The following WDR70 variants were observed in gnomAD, a reference collection of about 807,000 sequenced individuals.
The protein encoded by WDR70 is WD repeat-containing protein 70.
A neutral mutation model predicts 88.6 loss-of-function variants in WDR70; 53 were observed. The observed-to-expected ratio is 0.60, with a 90% CI of 0.48 to 0.75. The LOEUF (loss-of-function observed/expected upper bound fraction) is 0.75, where lower values mean the gene tolerates loss of function less well. Among genes scored for constraint, WDR70 ranks in the 30% least tolerant of loss-of-function variants. The pLI, the probability that WDR70 is intolerant of heterozygous loss-of-function variation, is 0.00. For missense variants in WDR70, 610 were observed against 823.2 expected (o/e 0.74, Z 3.17); for synonymous variants, 280 against 270.0 (o/e 1.04, Z -0.36).
intron 8 of WDR70, among the ~76,000 whole-genome samples, chr5:37,493,292 A>T (rs1740121037): frequency 6.6e-6 from 1 of 152,140 alleles, no homozygotes; most frequent in Admixed American, 6.5e-5. Flanking sequence ...GGGTGTCAGT[A>T]AGACTGCACG....
At chr5:37,659,740 A>G (rs551994054) in intron 10 of WDR70, among the ~76,000 whole-genome samples, 1 of 152,274 alleles carries the variant, frequency 6.6e-6, no homozygotes, top group East Asian at 1.9e-4. Context: ...CATGTGACTG[A>G]AAGAGATGGA....
chr5:37,500,548 A>G (rs918269855), intron 8 of WDR70, among the ~76,000 whole-genome samples: 3 of 152,154 alleles, frequency 2.0e-5, no homozygotes, highest in African/African-American at 7.2e-5. Context: ...CATTTCCACT[A>G]GCAGTGTATA....
At chr5:37,718,823 G>T (rs1344103084) in intron 13 of WDR70, among the ~76,000 whole-genome samples, 1 of 152,106 alleles carries the variant, frequency 6.6e-6, no homozygotes, top group African/African-American at 2.4e-5. Context: ...CTAGGCACTT[G>T]GGATATGTTG....
At chr5:37,611,440 T>C (rs1744187301) in intron 10 of WDR70, among the ~76,000 whole-genome samples, 1 of 152,124 alleles carries the variant, frequency 6.6e-6, no homozygotes. Flanking sequence ...AATTTTATGA[T>C]AGCGTGCTCT....
intron 5 of WDR70, among the ~76,000 whole-genome samples, chr5:37,427,306 A>G (rs540520545): frequency 1.3e-5 from 2 of 151,746 alleles, no homozygotes; most frequent in African/African-American, 2.4e-5. Flanking sequence ...GGAGAATGGC[A>G]TGAACCCGGG....
chr5:37,566,868 C>T (rs1249531091), intron 9 of WDR70, among the ~76,000 whole-genome samples: 1 of 152,110 alleles, frequency 6.6e-6, no homozygotes, highest in African/African-American at 2.4e-5. Flanking sequence ...GTATAGTTCA[C>T]CAGGGATTTA....
chr5:37,584,586 G>A (rs1290723974), intron 9 of WDR70, among the ~76,000 whole-genome samples: 1 of 152,142 alleles, frequency 6.6e-6, no homozygotes, highest in South Asian at 2.1e-4. Context: ...TTTTGCAGAT[G>A]TAGAGTCTGG....
intron 6 of WDR70, among the ~76,000 whole-genome samples, chr5:37,439,008 C>T (rs1378611356): frequency 2.0e-5 from 3 of 149,652 alleles, no homozygotes; most frequent in Non-Finnish European, 4.5e-5. Flanking sequence ...AGCTCCAACT[C>T]CCGGGTTCAT....
At chr5:37,402,293 TTGTGTGTG>T (rs35565451) in intron 5 of WDR70, among the ~76,000 whole-genome samples, 300 of 24,506 alleles carry the variant, frequency 0.012, no homozygotes, top group African/African-American at 0.039. Flanking sequence ...CAGATAGTAT[TTGTGTGTG>T]TGTGTGTGTG....
At chr5:37,461,738 C>T (rs1211059012) in intron 7 of WDR70, among the ~76,000 whole-genome samples, 1 of 139,372 alleles carries the variant, frequency 7.2e-6, no homozygotes, top group Admixed American at 7.2e-5. Flanking sequence ...CTGCCTCGGC[C>T]TCCCAAAGTG....
At chr5:37,664,158 C>T (rs1745775004) in intron 10 of WDR70, among the ~76,000 whole-genome samples, 1 of 152,200 alleles carries the variant, frequency 6.6e-6, no homozygotes, top group African/African-American at 2.4e-5. Context: ...GACTCATCCT[C>T]CCTGTCTTCA....
chr5:37,623,283 C>T (rs541638247), intron 10 of WDR70, among the ~76,000 whole-genome samples: 2 of 152,146 alleles, frequency 1.3e-5, no homozygotes, highest in South Asian at 4.2e-4. Context: ...GTATATTATT[C>T]CCAGAGTCCT....
At chr5:37,739,919 G>A (rs1748425039) in intron 17 of WDR70, among the ~76,000 whole-genome samples, 1 of 152,066 alleles carries the variant, frequency 6.6e-6, no homozygotes, top group African/African-American at 2.4e-5. Flanking sequence ...AGCCCAGAAA[G>A]GAAACCATTT....
intron 10 of WDR70, among the ~76,000 whole-genome samples, chr5:37,691,882 A>G (rs894841025): frequency 9.2e-5 from 14 of 152,212 alleles, no homozygotes; most frequent in African/African-American, 2.9e-4. Context: ...AAATAGAGAC[A>G]CAAAAAACCC....
At chr5:37,524,629 C>T (rs958394048) in intron 9 of WDR70, among the ~76,000 whole-genome samples, 3 of 152,126 alleles carry the variant, frequency 2.0e-5, no homozygotes, top group Non-Finnish European at 4.4e-5. Flanking sequence ...TCACACATAG[C>T]AATATTAACC....
chr5:37,605,209 A>C lies in WDR70; in HGVS notation c.1063A>C (p.Ser355Arg), dbSNP rs142842817. 1.2e-6 allele frequency: 2 copies of C among 1,609,020 alleles called. No individual in the cohort carries two copies. Among genetic ancestry groups the C allele is most frequent in the African/African-American group, 2.7e-5 (2 of 74,714 alleles). The change falls in exon 10 of 18, where the codon AGC (serine) becomes CGC (arginine). Residue 355 changes from serine (S) to arginine (R), a missense_variant. Physicochemically the swap from Ser to Arg is moderately radical, Grantham distance 110. Coordinates refer to ENST00000265107, the MANE Select transcript of WDR70 (RefSeq NM_018034.4). ...NLIAAACQNG[S>R]IQIWDRNLTV... ...CATAGCAGCTGCCTGCCAGAATGGA[A>C]GCATACAGATCTGGGACCGAAATTT...
chr5:37,485,251 C>A (rs372590982), intron 8 of WDR70, among the ~76,000 whole-genome samples: 25 of 152,114 alleles, frequency 1.6e-4, no homozygotes, highest in African/African-American at 5.8e-4. Flanking sequence ...AAAATACAGT[C>A]GATCCTCCTT....
At chr5:37,488,313 G>C (rs10941338) in intron 8 of WDR70, among the ~76,000 whole-genome samples, 89,714 of 150,606 alleles carry the variant, frequency 0.6, 28,010 homozygotes, top group Non-Finnish European at 0.69. Context: ...ATGGGAATCT[G>C]CTATCTTCTT....
chr5:37,572,824 T>C (rs899826281), intron 9 of WDR70, among the ~76,000 whole-genome samples: 4 of 152,216 alleles, frequency 2.6e-5, no homozygotes, highest in African/African-American at 9.6e-5. Context: ...AATCAAGTCA[T>C]GTAACTCCCC....
Sources: gnomAD v4.1 joint callset for allele counts (sites outside exome capture counted in the v4.1 genomes callset) on GRCh38, gnomAD v4.1.1 for gene constraint, MANE v1.5 for transcripts, NCBI Gene and HGNC (gene_info 2026-07-23, HGNC 2026-07-21) for gene names.